MUSK: variants seen among roughly 807,000 people sequenced by gnomAD.
The protein encoded by MUSK is muscle, skeletal receptor tyrosine-protein kinase.
MUSK carries 55 observed loss-of-function variants against 88.7 expected under a neutral mutation model. The observed-to-expected ratio is 0.62, with a 90% CI of 0.50 to 0.78. The LOEUF (loss-of-function observed/expected upper bound fraction) is 0.78, where lower values mean the gene tolerates loss of function less well. MUSK is among the 30% of genes least tolerant of loss of function. The pLI is 0.00. For missense variants in MUSK, 1,015 were observed against 1,074.3 expected (o/e 0.94, Z 0.77); for synonymous variants, 387 against 391.9 (o/e 0.99, Z 0.15).
Position 110,734,323 on chromosome 9 carries a change from C to T in MUSK, c.701C>T (p.Thr234Ile), listed in dbSNP as rs1170201682. 1.9e-6 allele frequency: 3 copies of T among 1,613,156 alleles called. No homozygotes were observed. The highest frequency in any genetic ancestry group is 2.5e-6 in the Non-Finnish European group (3 of 1,179,488). Residue 234 changes from threonine to isoleucine, a missense_variant, in exon 6 of 15, where the codon ACA (threonine) becomes ATA (isoleucine). Physicochemically the swap from Thr to Ile is moderately conservative, Grantham distance 89 (BLOSUM62 -1). Transcript: ENST00000374448. Reference protein sequence around the residue: ...TFGSFVTLHCTATGIPVPTIT... With the variant: ...TFGSFVTLHCIATGIPVPTIT... ...GGCTCCTTTGTGACCCTGCACTGTA[C>T]AGCAACAGGCATTCCTGTCCCCACC...
chr9:110,767,423 A>G (rs2077501793), intron 8 of MUSK, among the ~76,000 whole-genome samples: 1 of 152,224 alleles, frequency 6.6e-6, no homozygotes, highest in South Asian at 2.1e-4. Flanking sequence ...AGGTGAGAGC[A>G]ATTATTCTTA....
chr9:110,743,202 G>T (rs2077126587), intron 6 of MUSK, among the ~76,000 whole-genome samples: 1 of 152,160 alleles, frequency 6.6e-6, no homozygotes, highest in Admixed American at 6.5e-5. Context: ...CTGTGAACCT[G>T]CCAGTGAACC....
At chr9:110,786,925 G>C (rs2077877672) in intron 13 of MUSK, among the ~76,000 whole-genome samples, 1 of 152,112 alleles carries the variant, frequency 6.6e-6, no homozygotes, top group South Asian at 2.1e-4. Context: ...TGGCGTAGAG[G>C]TTACATGAAT....
chr9:110,709,422 G>A (rs549997104), intron 5 of MUSK, among the ~76,000 whole-genome samples: 1 of 152,280 alleles, frequency 6.6e-6, no homozygotes, highest in African/African-American at 2.4e-5. Context: ...CCTATCACAT[G>A]TGTAACTTCC....
At chr9:110,764,468 C>T (rs1008939118) in intron 8 of MUSK, among the ~76,000 whole-genome samples, 4 of 152,048 alleles carry the variant, frequency 2.6e-5, no homozygotes, top group African/African-American at 9.7e-5. Context: ...AGAATTTGAT[C>T]ACTGTGTAAA....
chr9:110,774,824 G>A (rs1227883111), intron 9 of MUSK, among the ~76,000 whole-genome samples: 1 of 151,630 alleles, frequency 6.6e-6, no homozygotes, highest in Non-Finnish European at 1.5e-5. Flanking sequence ...AAGTAGGAGT[G>A]TGGGAATAAG....
chr9:110,721,850 C>T (rs545929850), intron 5 of MUSK, among the ~76,000 whole-genome samples: 40 of 152,148 alleles, frequency 2.6e-4, no homozygotes, highest in African/African-American at 7.7e-4. Context: ...CATACTACAA[C>T]GCCACAGACA....
chr9:110,778,685 A>C (rs1164820863), intron 11 of MUSK, among the ~76,000 whole-genome samples: 1 of 152,028 alleles, frequency 6.6e-6, no homozygotes, highest in Non-Finnish European at 1.5e-5. Flanking sequence ...GATAAGCCAG[A>C]ATTTGAACTG....
At chr9:110,755,643 C>G (rs2077300703) in intron 7 of MUSK, among the ~76,000 whole-genome samples, 1 of 152,018 alleles carries the variant, frequency 6.6e-6, no homozygotes, top group South Asian at 2.1e-4. Flanking sequence ...TAAACCTCAT[C>G]TGCTTCACTC....
At chr9:110,728,773 G>A (rs986342084) in intron 5 of MUSK, 14 of 1,419,042 alleles carry the variant, frequency 9.9e-6, no homozygotes, top group Non-Finnish European at 1.3e-5. Flanking sequence ...CTTTTCAATT[G>A]TTTATTTTTG....
At chr9:110,800,265 T>C (rs921625615) in intron 14 of MUSK, 41 bp from the exon 15 acceptor site, 18 of 1,540,214 alleles carry the variant, frequency 1.2e-5, no homozygotes, top group Non-Finnish European at 1.6e-5. Flanking sequence ...ATTGTTTCAT[T>C]GTAGAAACTG....
At chr9:110,737,252 TG>T (rs1310684364) in intron 6 of MUSK, among the ~76,000 whole-genome samples, 91 of 152,098 alleles carry the variant, frequency 6.0e-4, no homozygotes, top group African/African-American at 2.1e-3. Flanking sequence ...CACTTTGGTT[TG>T]CACCGAGTCT....
At chr9:110,789,037 C>A (rs1200835660) in intron 14 of MUSK, among the ~76,000 whole-genome samples, 1 of 152,148 alleles carries the variant, frequency 6.6e-6, no homozygotes, top group Non-Finnish European at 1.5e-5. Context: ...GGGAGGTAGG[C>A]AGGTCCTGTC....
At chr9:110,748,665 C>T (rs2077209007) in intron 7 of MUSK, among the ~76,000 whole-genome samples, 3 of 151,992 alleles carry the variant, frequency 2.0e-5, no homozygotes, top group Admixed American at 6.6e-5. Flanking sequence ...AAGGCAAGCA[C>T]GGATAGAGCT....
chr9:110,697,762 T>C (rs576493819), intron 5 of MUSK, among the ~76,000 whole-genome samples: 7 of 152,334 alleles, frequency 4.6e-5, no homozygotes, highest in African/African-American at 1.7e-4. Flanking sequence ...CATTTTAGAA[T>C]GCCTTCCTGG....
chr9:110,798,659 G>C (rs978253870), intron 14 of MUSK, among the ~76,000 whole-genome samples: 2 of 152,108 alleles, frequency 1.3e-5, no homozygotes, highest in Non-Finnish European at 2.9e-5. Flanking sequence ...GCCATGTGTA[G>C]TATTAGACCT....
Position 110,681,008 on chromosome 9 carries a change from ATATATAATATATATTATATATTATATAT to A in MUSK, c.80-1637_80-1610del, listed in dbSNP as rs1384164239. Among the ~76,000 whole-genome samples, 147 of 37,366 alleles carry A rather than the reference ATATATAATATATATTATATATTATATAT, an allele frequency of 3.9e-3. 10 individuals are homozygous for A. In the East Asian group the frequency reaches 0.042, roughly 11 times the overall value. The allele number at this position is 37,366 out of a possible 152,430, so 24.5% of individuals were successfully genotyped here. A position where few individuals can be genotyped will look rare whatever the true frequency, so the allele number is the denominator to read the frequency against. On this transcript the variant is annotated intron_variant, in intron 1 of 14. Coordinates refer to ENST00000374448, the MANE Select transcript of MUSK (RefSeq NM_005592.4). Reference sequence around the variant, plus strand: ...AATGATCCTTATAATATATTATATTATATATAATATATATTATATATTATATATTATATAATATATATTATATATTATA... The same window carrying A: ...AATGATCCTTATAATATATTATATTATATATAATATATATTATATATTATA...
intron 1 of MUSK, among the ~76,000 whole-genome samples, chr9:110,679,922 T>C (rs1344952843): frequency 6.6e-6 from 1 of 152,154 alleles, no homozygotes; most frequent in Non-Finnish European, 1.5e-5. Flanking sequence ...TTCCACTCTT[T>C]TTAAACACAA....
intron 3 of MUSK, among the ~76,000 whole-genome samples, chr9:110,693,956 T>C (rs1349410061): frequency 1.3e-5 from 2 of 152,112 alleles, no homozygotes; most frequent in Admixed American, 6.5e-5. Context: ...TTACAGTTTA[T>C]TAGAAGGAGA....
Sources: gnomAD v4.1 joint callset for allele counts (sites outside exome capture counted in the v4.1 genomes callset) on GRCh38, gnomAD v4.1.1 for gene constraint, MANE v1.5 for transcripts, NCBI Gene and HGNC (gene_info 2026-07-23, HGNC 2026-07-21) for gene names.